The following PGCKA1 variants were observed in gnomAD, a reference collection of about 807,000 sequenced individuals.
The protein encoded by PGCKA1 is PDCD10 and GCKIII kinases associated 1.
At chr4:37,544,018 A>G in the PGCKA1 span, among the ~76,000 whole-genome samples, 42 of 151,834 alleles carry the variant, frequency 2.8e-4, no homozygotes, top group Admixed American at 2.4e-3. Flanking sequence ...CTCTTGGTTT[A>G]CTCCCTCACT....
chr4:37,513,691 GACA>G, the PGCKA1 span, among the ~76,000 whole-genome samples: 4 of 152,242 alleles, frequency 2.6e-5, no homozygotes, highest in Admixed American at 6.5e-5. Context: ...GTTGAGGACA[GACA>G]ACAAGTCATT....
At chr4:37,524,899 AC>A in the PGCKA1 span, among the ~76,000 whole-genome samples, 1 of 152,062 alleles carries the variant, frequency 6.6e-6, no homozygotes, top group African/African-American at 2.4e-5. Flanking sequence ...TTCTGGGAGG[AC>A]CCTGGGTACT....
the PGCKA1 span, among the ~76,000 whole-genome samples, chr4:37,538,760 A>G: frequency 6.6e-6 from 1 of 152,232 alleles, no homozygotes; most frequent in African/African-American, 2.4e-5. Flanking sequence ...TCTAACTGCC[A>G]GGTCCCATAG....
chr4:37,570,429 C>CAA, the PGCKA1 span, among the ~76,000 whole-genome samples: 11,727 of 117,376 alleles, frequency 0.1, 1,438 homozygotes, highest in African/African-American at 0.3. Context: ...ATGTTTCTGC[C>CAA]AAAAAAAAAA....
At chr4:37,468,123 G>A in the PGCKA1 span, among the ~76,000 whole-genome samples, 666 of 152,294 alleles carry the variant, frequency 4.4e-3, 6 homozygotes, top group African/African-American at 0.015. Flanking sequence ...TGGCATGGCC[G>A]TTCAACTTTA....
At chr4:37,566,127 A>G in the PGCKA1 span, among the ~76,000 whole-genome samples, 2 of 152,058 alleles carry the variant, frequency 1.3e-5, no homozygotes, top group Non-Finnish European at 2.9e-5. Flanking sequence ...ATATATGTCT[A>G]TCCTGTTAGT....
the PGCKA1 span, among the ~76,000 whole-genome samples, chr4:37,453,665 T>A: frequency 6.6e-6 from 1 of 151,596 alleles, no homozygotes; most frequent in Non-Finnish European, 1.5e-5. Context: ...CCCCGGAGTT[T>A]CCCGTGATGG....
At chr4:37,511,420 G>C in the PGCKA1 span, among the ~76,000 whole-genome samples, 2 of 152,086 alleles carry the variant, frequency 1.3e-5, no homozygotes, top group South Asian at 2.1e-4. Flanking sequence ...GTAGGTAATG[G>C]ATCCTGCCTA....
chr4:37,510,453 T>A, the PGCKA1 span, among the ~76,000 whole-genome samples: 53,874 of 152,034 alleles, frequency 0.35, 9,784 homozygotes, highest in Non-Finnish European at 0.39. Flanking sequence ...TGGTTCTTCC[T>A]AACTCGTACT....
the PGCKA1 span, among the ~76,000 whole-genome samples, chr4:37,509,516 T>C: frequency 6.7e-6 from 1 of 149,558 alleles, no homozygotes; most frequent in Non-Finnish European, 1.5e-5. Context: ...ACTTCCCAGA[T>C]GATGGGTGGC....
At chr4:37,531,664 GGGC>G in the PGCKA1 span, among the ~76,000 whole-genome samples, 3 of 151,392 alleles carry the variant, frequency 2.0e-5, no homozygotes, top group East Asian at 5.8e-4. Flanking sequence ...AGGCCGAGGC[GGGC>G]GGATCACGAG....
chr4:37,485,310 C>T, the PGCKA1 span, among the ~76,000 whole-genome samples: 3 of 152,054 alleles, frequency 2.0e-5, no homozygotes, highest in East Asian at 3.9e-4. Flanking sequence ...AGAGGTGGGG[C>T]CTTTAGGAAG....
At chr4:37,476,165 G>T in the PGCKA1 span, among the ~76,000 whole-genome samples, 1 of 152,038 alleles carries the variant, frequency 6.6e-6, no homozygotes, top group African/African-American at 2.4e-5. Context: ...AGAGAAACTG[G>T]TCTCGTTCTT....
the PGCKA1 span, among the ~76,000 whole-genome samples, chr4:37,459,231 T>C: frequency 3.3e-5 from 5 of 152,180 alleles, no homozygotes; most frequent in Non-Finnish European, 5.9e-5. Flanking sequence ...AAAGAACATA[T>C]GGTCTCATTT....
chr4:37,525,690 A>G, the PGCKA1 span, among the ~76,000 whole-genome samples: 4 of 152,224 alleles, frequency 2.6e-5, no homozygotes, highest in African/African-American at 9.6e-5. Flanking sequence ...AAATCATATA[A>G]TCCACCAGCA....
the PGCKA1 span, among the ~76,000 whole-genome samples, chr4:37,578,540 T>C: frequency 6.6e-6 from 1 of 152,226 alleles, no homozygotes; most frequent in Non-Finnish European, 1.5e-5. Flanking sequence ...TTAGTCCGTT[T>C]ACATTTGATG....
At chr4:37,472,759 T>C in the PGCKA1 span, among the ~76,000 whole-genome samples, 1 of 152,218 alleles carries the variant, frequency 6.6e-6, no homozygotes, top group Non-Finnish European at 1.5e-5. Flanking sequence ...TGCTATTACA[T>C]TTCTTATTCC....
chr4:37,464,021 G>A, the PGCKA1 span, among the ~76,000 whole-genome samples: 1 of 152,114 alleles, frequency 6.6e-6, no homozygotes, highest in Non-Finnish European at 1.5e-5. Context: ...CCATAAGTCA[G>A]AAATTATGAG....
chr4:37,588,637 A>G, the PGCKA1 span: 1 of 522,782 alleles, frequency 1.9e-6, no homozygotes, highest in Non-Finnish European at 3.4e-6. Context: ...GGCAAGTGTC[A>G]GTGAACGTTT....
Sources: allele counts gnomAD v4.1 joint callset (sites outside exome capture counted in the v4.1 genomes callset), GRCh38; gene constraint gnomAD v4.1.1; transcripts MANE v1.5; gene names NCBI Gene and HGNC (gene_info 2026-07-23, HGNC 2026-07-21).